HYDIN: variants seen among roughly 807,000 people sequenced by gnomAD.
HYDIN encodes the protein HYDIN axonemal central pair apparatus protein, also known as axonemal central pair apparatus protein HYDIN.
Under a neutral mutation model 403.9 loss-of-function variants are expected in HYDIN, and 132 were observed. That is an observed-to-expected ratio of 0.33 (90% confidence interval 0.28 to 0.38). The LOEUF is 0.38. Ranked by LOEUF, HYDIN falls within the 10% of genes least tolerant of loss-of-function variation. The pLI, the probability that HYDIN is intolerant of heterozygous loss-of-function variation, is 1.00. For synonymous variants in HYDIN, 1,202 were observed against 1,891.7 expected (o/e 0.64, Z 9.46); for missense variants, 2,827 against 5,009.5 (o/e 0.56, Z 13.15).
chr16:71,134,969 G>A (rs1236844022), intron 8 of HYDIN, among the ~76,000 whole-genome samples: 1 of 152,144 alleles, frequency 6.6e-6, no homozygotes, highest in African/African-American at 2.4e-5. Flanking sequence ...GGGAAAGCAC[G>A]TCGTAGACTC....
chr16:70,948,198 C>A (rs2077941451), intron 41 of HYDIN, among the ~76,000 whole-genome samples: 1 of 147,418 alleles, frequency 6.8e-6, no homozygotes, highest in South Asian at 2.2e-4. Context: ...GAAAAACAAG[C>A]AATGGGGAAA....
intron 84 of HYDIN, among the ~76,000 whole-genome samples, chr16:70,810,444 G>A (rs186782037): frequency 6.6e-6 from 1 of 152,280 alleles, no homozygotes; most frequent in Non-Finnish European, 1.5e-5. Context: ...GCAAAACAAG[G>A]GAAACAATTC....
intron 12 of HYDIN, among the ~76,000 whole-genome samples, chr16:71,082,700 A>G (rs1323672760): frequency 7.5e-6 from 1 of 133,434 alleles, no homozygotes; most frequent in Non-Finnish European, 1.5e-5. Context: ...GTACACCTTA[A>G]CCTATTTAGA....
intron 10 of HYDIN, among the ~76,000 whole-genome samples, chr16:71,101,733 T>A (rs945090446): frequency 3.3e-5 from 5 of 152,132 alleles, no homozygotes; most frequent in Admixed American, 6.5e-5. Flanking sequence ...TATAGGCACA[T>A]CTCCTGCAGG....
chr16:70,948,389 AGGCATG>A (rs1367523830), intron 41 of HYDIN, among the ~76,000 whole-genome samples: 1 of 152,142 alleles, frequency 6.6e-6, no homozygotes, highest in African/African-American at 2.4e-5. Flanking sequence ...TTCAGGACAT[AGGCATG>A]GGCAAGGACT....
Position 71,089,522 on chromosome 16 carries a change from C to A in HYDIN, c.1447-998G>T, listed in dbSNP as rs188442998. Among the ~76,000 whole-genome samples, 1,075 of 152,224 alleles carry A rather than the reference C, an allele frequency of 7.1e-3. 51 individuals are homozygous for A. Among genetic ancestry groups the A allele is most frequent in the Admixed American group, 0.063 (958 of 15,286 alleles). On this transcript the variant is annotated intron_variant, in intron 11 of 85. Transcript: ENST00000393567. ...TCAGAAGGTTAGCAGGCAAATGTGA[C>A]GTGTGTCAGGAACGCGGAAGCTGAG...
At chr16:71,034,629 G>C (rs2144170741) in intron 18 of HYDIN, among the ~76,000 whole-genome samples, 1 of 152,256 alleles carries the variant, frequency 6.6e-6, no homozygotes, top group East Asian at 1.9e-4. Flanking sequence ...AGACAGAGCA[G>C]AAAGCTAGTT....
intron 67 of HYDIN, 92 bp from the exon 68 acceptor site, chr16:70,863,274 A>G: frequency 1.7e-6 from 2 of 1,172,278 alleles, no homozygotes; most frequent in Middle Eastern, 4.1e-4. Context: ...TAACCTTTTG[A>G]AGTCATGTCA....
At chr16:71,156,231 T>C (rs1169366584) in intron 6 of HYDIN, among the ~76,000 whole-genome samples, 4 of 152,152 alleles carry the variant, frequency 2.6e-5, no homozygotes, top group East Asian at 1.9e-4. Flanking sequence ...GTGGTAAGGG[T>C]TACTTTGCCT....
rs1189437903 is a variant in HYDIN, at chr16:70,889,903, C to T, written c.9657-199G>A. Among the ~76,000 whole-genome samples the T allele has an allele frequency of 5.9e-5, 9 of 152,060 alleles. No individual in the cohort carries two copies. In the South Asian group the frequency reaches 6.2e-4, roughly 11 times the overall value. On this transcript the variant is annotated intron_variant, in intron 57 of 85. Transcript: ENST00000393567. ...ATTTAGCAACTGTAAGGAAACTAGG[C>T]GGTAATTATACTTATTAAATATGAT... is the stretch of plus-strand genomic sequence containing the variant.
chr16:71,168,246 G>T (rs1437516035), intron 5 of HYDIN, among the ~76,000 whole-genome samples: 2 of 148,246 alleles, frequency 1.3e-5, no homozygotes, highest in African/African-American at 5.0e-5. Flanking sequence ...TTGAACCCAG[G>T]AGGCGGAGGT....
In HYDIN at chr16:71,027,241, G is replaced by C. The variant is rs533574137; in HGVS notation, c.3042+361C>G. 4.5e-5 allele frequency: 51 copies of C among 1,122,678 alleles called. No individual in the cohort carries two copies. The East Asian group carries it at 2.8e-3, about 61-fold the overall frequency. The allele number at this position is 1,122,678 out of a possible 1,614,324, so 69.5% of individuals were successfully genotyped here. A position where few individuals can be genotyped will look rare whatever the true frequency, so the allele number is the denominator to read the frequency against. The stretch of plus-strand genomic sequence containing the variant: ...AATAGGAGAGGCAGCCCAGAGTGTC[G>C]ATATAAACACCCTTTTTGAATGAAT... On this transcript the variant is annotated intron_variant, in intron 20 of 85. Coordinates refer to ENST00000393567, the MANE Select transcript of HYDIN (RefSeq NM_001270974.2).
At chr16:70,936,166 C>CGTG in intron 44 of HYDIN, 52 bp from the exon 45 acceptor site, 1 of 1,319,594 alleles carries the variant, frequency 7.6e-7, no homozygotes, top group Non-Finnish European at 1.1e-6. Context: ...CATGCCTCAC[C>CGTG]CCTCTGCTGC....
At chr16:71,136,793 A>T (rs1215761047) in intron 8 of HYDIN, among the ~76,000 whole-genome samples, 1 of 151,458 alleles carries the variant, frequency 6.6e-6, no homozygotes, top group East Asian at 1.9e-4. Flanking sequence ...AAAAAAACAA[A>T]AAAAAAACCT....
intron 84 of HYDIN, among the ~76,000 whole-genome samples, chr16:70,811,112 T>G (rs1023330929): frequency 6.6e-6 from 1 of 152,140 alleles, no homozygotes; most frequent in African/African-American, 2.4e-5. Context: ...GAGTAAGTAT[T>G]TAAAAAAATA....
At chr16:71,066,512 C>T (rs1443712629) in intron 15 of HYDIN, 4 of 159,966 alleles carry the variant, frequency 2.5e-5, no homozygotes, top group African/African-American at 9.6e-5. Flanking sequence ...TTTCCTAAGT[C>T]ATTTTCTCTA....
At chr16:71,169,241 C>A (rs997635055) in intron 5 of HYDIN, among the ~76,000 whole-genome samples, 1 of 151,998 alleles carries the variant, frequency 6.6e-6, no homozygotes, top group African/African-American at 2.4e-5. Context: ...GCCTGGACAA[C>A]GTGGAGAAAC....
chr16:71,136,301 A>G (rs1019538723), intron 8 of HYDIN, among the ~76,000 whole-genome samples: 1 of 135,806 alleles, frequency 7.4e-6, no homozygotes, highest in Admixed American at 7.6e-5. Flanking sequence ...TAACTTATAT[A>G]GCTTGCAGGG....
At chr16:70,874,685 T>A in intron 63 of HYDIN, 93 bp from the exon 64 acceptor site, 1 of 1,045,696 alleles carries the variant, frequency 9.6e-7, no homozygotes, top group Non-Finnish European at 1.3e-6. Context: ...AACCCTAGAA[T>A]GGGAACGAGC....
Sources: gnomAD v4.1 joint callset for allele counts (sites outside exome capture counted in the v4.1 genomes callset) on GRCh38, gnomAD v4.1.1 for gene constraint, MANE v1.5 for transcripts, NCBI Gene and HGNC (gene_info 2026-07-23, HGNC 2026-07-21) for gene names.